Variants in TRPS1 observed in about 807,000 individuals in gnomAD.
TRPS1 encodes zinc finger transcription factor Trps1.
A neutral mutation model predicts 101.2 loss-of-function variants in TRPS1; 6 were observed. The ratio of observed to expected loss-of-function variants is 0.06; its 90% CI spans 0.03 to 0.12. TRPS1 has a LOEUF of 0.12. Ranked by LOEUF, TRPS1 falls within the 10% of genes least tolerant of loss-of-function variation. The probability of loss-of-function intolerance (pLI) is 1.00; values close to 1 mark genes in which losing one functional copy is unlikely to be tolerated. For synonymous variants in TRPS1, 578 were observed against 589.8 expected (o/e 0.98, Z 0.29); for missense variants, 1,363 against 1,567.0 (o/e 0.87, Z 2.20).
At chr8:115,462,732 T>A (rs1369729508) in intron 5 of TRPS1, among the ~76,000 whole-genome samples, 1 of 151,506 alleles carries the variant, frequency 6.6e-6, no homozygotes, top group East Asian at 1.9e-4. Flanking sequence ...TCACTAGGGC[T>A]CTGTATTTTG....
rs187707907 is a variant in TRPS1 at position 115,547,698 on chromosome 8, G to A, written c.2700+39303C>T. 4.4e-4 allele frequency among the ~76,000 whole-genome samples: 67 copies of A among 152,102 alleles called. No individual in the cohort carries two copies. In the Middle Eastern group the frequency reaches 0.01, roughly 23 times the overall value. The stretch of plus-strand genomic sequence containing the variant: ...TAGTCCCTTGAGCTACCCTCATCCC[G>A]GGAAAGGCTTCATTCCTTTCACTCC... On this transcript the variant is annotated intron_variant, in intron 5 of 6. Coordinates refer to ENST00000395715, the MANE Select transcript of TRPS1 (RefSeq NM_014112.5).
chr8:115,619,463 T>G lies in TRPS1; in HGVS notation c.635A>C (p.Lys212Thr), dbSNP rs774452053. Residue 212 changes from lysine (K) to threonine (T), a missense_variant, in exon 3 of 7, where the codon AAA (lysine) becomes ACA (threonine). Transcript: ENST00000395715. ...VPSDGGVRLN[K>T]SKTDLLVNDN... The stretch of plus-strand genomic sequence containing the variant: ...ATTCACCAGTAAGTCAGTTTTGGAT[T>G]TATTCAGTCTTACACCCCCATCTGA... 12 of 1,614,180 alleles carry G rather than the reference T, an allele frequency of 7.4e-6. No homozygotes were observed. Among genetic ancestry groups the G allele is most frequent in the Non-Finnish European group, 1.0e-5 (12 of 1,180,032 alleles).
At chr8:115,609,649 G>A (rs1234402483) in intron 3 of TRPS1, among the ~76,000 whole-genome samples, 1 of 152,176 alleles carries the variant, frequency 6.6e-6, no homozygotes, top group Non-Finnish European at 1.5e-5. Context: ...ACAAGCAAAT[G>A]ACTGACTATG....
intron 5 of TRPS1, among the ~76,000 whole-genome samples, chr8:115,505,432 G>A (rs781023591): frequency 5.9e-5 from 9 of 151,958 alleles, no homozygotes; most frequent in African/African-American, 1.9e-4. Context: ...AAACCTATGC[G>A]CTAAAATTTT....
intron 1 of TRPS1, among the ~76,000 whole-genome samples, chr8:115,656,890 C>T (rs763736154): frequency 1.3e-5 from 2 of 152,060 alleles, no homozygotes; most frequent in Non-Finnish European, 2.9e-5. Context: ...AGATAAAGTA[C>T]TTCCTCTACT....
At chr8:115,514,335 C>G (rs956311875) in intron 5 of TRPS1, among the ~76,000 whole-genome samples, 2 of 151,678 alleles carry the variant, frequency 1.3e-5, no homozygotes, top group Non-Finnish European at 3.0e-5. Flanking sequence ...CGGAGCTACG[C>G]TGAGTTGAAT....
intron 5 of TRPS1, among the ~76,000 whole-genome samples, chr8:115,584,874 C>T (rs572534753): frequency 1.6e-4 from 24 of 152,160 alleles, no homozygotes; most frequent in South Asian, 1.5e-3. Flanking sequence ...GCTACCCTTC[C>T]TATTCCAAAT....
rs953529618 is a variant in TRPS1 at position 115,629,380 on chromosome 8, T to C, written c.-121-5622A>G. ...GTGGCAGAGCATTACAGATAGAACA[T>C]TGGATTTTAAAAAGGGAACGGATAA... On this transcript the variant is annotated intron_variant, in intron 1 of 6. Transcript: ENST00000395715. Among the ~76,000 whole-genome samples the C allele has an allele frequency of 4.0e-5, 6 of 151,820 alleles. No individual in the cohort carries two copies. In the East Asian group the frequency reaches 7.7e-4, roughly 20 times the overall value.
In TRPS1 at chr8:115,458,376, T is replaced by C. The variant is rs565271930; in HGVS notation, c.2701-39924A>G. Among the ~76,000 whole-genome samples, 5 of 152,274 alleles carry C rather than the reference T, an allele frequency of 3.3e-5. No individual in the cohort carries two copies. In the South Asian group the frequency reaches 1.0e-3, roughly 32 times the overall value. On this transcript the variant is annotated intron_variant, in intron 5 of 6. Coordinates refer to ENST00000395715, the MANE Select transcript of TRPS1 (RefSeq NM_014112.5). The stretch of plus-strand genomic sequence containing the variant: ...ATCCTTTTAATCATCTTAATAGACA[T>C]AAACATACTGAATCATATAATTAAT...
At position 115,518,509 on chromosome 8, in the gene TRPS1, C is replaced by T. The variant is rs75803669; in HGVS notation, c.2700+68492G>A. 8.4e-3 allele frequency among the ~76,000 whole-genome samples: 1,271 copies of T among 151,686 alleles called. 64 individuals are homozygous for T. In the East Asian group the frequency reaches 0.14, roughly 17 times the overall value. ...ATGTTATTTGTTAAAATTTAAATTC[C>T]GTAATTTGCTGTGACTTATTTTCTC... On this transcript the variant is annotated intron_variant, in intron 5 of 6. Coordinates refer to ENST00000395715, the MANE Select transcript of TRPS1 (RefSeq NM_014112.5).
intron 3 of TRPS1, among the ~76,000 whole-genome samples, chr8:115,610,318 T>C (rs1338057287): frequency 6.6e-6 from 1 of 152,214 alleles, no homozygotes; most frequent in Non-Finnish European, 1.5e-5. Context: ...GGGCCGATCT[T>C]AGCGGAAAAT....
intron 5 of TRPS1, among the ~76,000 whole-genome samples, chr8:115,488,683 C>A (rs111671653): frequency 0.058 from 8,854 of 151,910 alleles, 907 homozygotes; most frequent in African/African-American, 0.2. Flanking sequence ...AAAACAAAAA[C>A]CAAAAAACAA....
intron 5 of TRPS1, among the ~76,000 whole-genome samples, chr8:115,460,466 G>A (rs981545413): frequency 6.6e-6 from 1 of 151,674 alleles, no homozygotes; most frequent in African/African-American, 2.4e-5. Context: ...ATAATCTTGG[G>A]ATTTATAAAA....
intron 6 of TRPS1, among the ~76,000 whole-genome samples, chr8:115,416,350 G>A (rs906092012): frequency 1.1e-4 from 17 of 151,458 alleles, no homozygotes; most frequent in African/African-American, 2.4e-4. Flanking sequence ...AAATTAATGC[G>A]TATTTATAGG....
chr8:115,557,146 TACTC>T (rs1014802521), intron 5 of TRPS1, among the ~76,000 whole-genome samples: 14 of 152,066 alleles, frequency 9.2e-5, no homozygotes, highest in African/African-American at 1.7e-4. Context: ...TCGTGAGACT[TACTC>T]ACTATCATGA....
intron 5 of TRPS1, among the ~76,000 whole-genome samples, chr8:115,539,006 G>A (rs565079648): frequency 6.6e-6 from 1 of 152,108 alleles, no homozygotes; most frequent in Non-Finnish European, 1.5e-5. Flanking sequence ...AGATGTGCAC[G>A]CAGTAAGTCC....
chr8:115,546,311 A>C (rs1816569111), intron 5 of TRPS1, among the ~76,000 whole-genome samples: 1 of 152,056 alleles, frequency 6.6e-6, no homozygotes, highest in Non-Finnish European at 1.5e-5. Context: ...GCTAGCTAAA[A>C]AATGCTAAAT....
At chr8:115,629,196 G>C (rs1043827095) in intron 1 of TRPS1, among the ~76,000 whole-genome samples, 1 of 151,664 alleles carries the variant, frequency 6.6e-6, no homozygotes, top group Admixed American at 6.6e-5. Context: ...TCACTAACTT[G>C]GCAAAAAGAC....
intron 5 of TRPS1, among the ~76,000 whole-genome samples, chr8:115,502,130 C>T (rs189253133): frequency 2.6e-5 from 4 of 152,216 alleles, no homozygotes; most frequent in Admixed American, 2.6e-4. Flanking sequence ...ACAGGCACAA[C>T]CTTGATATGC....
Sources: allele counts gnomAD v4.1 joint callset (sites outside exome capture counted in the v4.1 genomes callset), GRCh38; gene constraint gnomAD v4.1.1; transcripts MANE v1.5; gene names NCBI Gene and HGNC (gene_info 2026-07-23, HGNC 2026-07-21).